NEO1: variants seen among roughly 807,000 people sequenced by gnomAD.
NEO1 encodes the protein neogenin.
NEO1 carries 63 observed loss-of-function variants against 159.7 expected under a neutral mutation model. The ratio of observed to expected loss-of-function variants is 0.39; its 90% CI spans 0.32 to 0.49. NEO1 has a LOEUF of 0.49. Ranked by LOEUF, NEO1 falls within the 20% of genes least tolerant of loss-of-function variation. The pLI is 0.85. For synonymous variants in NEO1, 633 were observed against 662.0 expected (o/e 0.96, Z 0.67); for missense variants, 1,615 against 1,831.0 (o/e 0.88, Z 2.15).
intron 7 of NEO1, among the ~76,000 whole-genome samples, chr15:73,214,088 C>G (rs973498227): frequency 6.6e-6 from 1 of 152,072 alleles, no homozygotes; most frequent in Non-Finnish European, 1.5e-5. Context: ...CTGTTCATAT[C>G]CTTAGCCCAC....
chr15:73,099,469 G>A (rs1359433397), intron 1 of NEO1, among the ~76,000 whole-genome samples: 1 of 152,182 alleles, frequency 6.6e-6, no homozygotes, highest in African/African-American at 2.4e-5. Flanking sequence ...TGCATTGAAA[G>A]CTTGTGTATG....
intron 1 of NEO1, among the ~76,000 whole-genome samples, chr15:73,058,280 C>G (rs2067814425): frequency 6.6e-6 from 1 of 152,162 alleles, no homozygotes; most frequent in African/African-American, 2.4e-5. Flanking sequence ...TTATACAGTC[C>G]TGTGAGGAAG....
At chr15:73,189,283 T>C (rs746265866) in intron 7 of NEO1, among the ~76,000 whole-genome samples, 5 of 152,204 alleles carry the variant, frequency 3.3e-5, no homozygotes, top group Non-Finnish European at 7.4e-5. Flanking sequence ...ATTCAAGTAC[T>C]GTAGTCACCT....
chr15:73,201,885 A>G (rs183478457), intron 7 of NEO1, among the ~76,000 whole-genome samples: 12 of 151,690 alleles, frequency 7.9e-5, no homozygotes, highest in Non-Finnish European at 4.4e-5. Flanking sequence ...GCTAATTAAT[A>G]TATCAATATA....
At chr15:73,142,119 G>T (rs1303909284) in intron 5 of NEO1, among the ~76,000 whole-genome samples, 6 of 152,044 alleles carry the variant, frequency 3.9e-5, no homozygotes, top group African/African-American at 1.4e-4. Flanking sequence ...CCAGCATAAA[G>T]CACTTTTATT....
At chr15:73,254,225 T>C (rs2040225873) in intron 12 of NEO1, among the ~76,000 whole-genome samples, 1 of 152,172 alleles carries the variant, frequency 6.6e-6, no homozygotes, top group Non-Finnish European at 1.5e-5. Flanking sequence ...GCTCCTTTTT[T>C]TTTTTAAGAG....
intron 1 of NEO1, among the ~76,000 whole-genome samples, chr15:73,098,203 G>A (rs35843347): frequency 0.02 from 3,043 of 152,160 alleles, 50 homozygotes; most frequent in South Asian, 0.043. Flanking sequence ...ATCCTACTAT[G>A]TATAGTTTGG....
At chr15:73,168,801 C>T (rs1012149781) in intron 5 of NEO1, among the ~76,000 whole-genome samples, 1 of 151,890 alleles carries the variant, frequency 6.6e-6, no homozygotes, top group Admixed American at 6.6e-5. Context: ...ACCAATAGTA[C>T]ACTTGTGATT....
intron 13 of NEO1, among the ~76,000 whole-genome samples, chr15:73,256,485 G>T (rs1015239475): frequency 1.3e-5 from 2 of 152,196 alleles, no homozygotes; most frequent in Admixed American, 6.5e-5. Context: ...GGACAACAGA[G>T]TAAGACTCTG....
intron 7 of NEO1, among the ~76,000 whole-genome samples, chr15:73,231,520 C>T (rs551259541): frequency 2.0e-4 from 31 of 152,164 alleles, no homozygotes; most frequent in African/African-American, 7.5e-4. Flanking sequence ...ATTGCATGAG[C>T]TCAGGAGTTC....
intron 26 of NEO1, among the ~76,000 whole-genome samples, chr15:73,295,484 C>T (rs1293900631): frequency 6.6e-6 from 1 of 151,398 alleles, no homozygotes; most frequent in East Asian, 1.9e-4. Flanking sequence ...AGAAGCATGG[C>T]AGCTCCTACC....
chr15:73,088,164 A>G (rs994379942), intron 1 of NEO1, among the ~76,000 whole-genome samples: 2 of 151,972 alleles, frequency 1.3e-5, no homozygotes, highest in Non-Finnish European at 2.9e-5. Flanking sequence ...GACTATGCAT[A>G]TTCATATTTT....
intron 7 of NEO1, among the ~76,000 whole-genome samples, chr15:73,219,173 G>A (rs201022254): frequency 0.021 from 3,263 of 151,930 alleles, 160 homozygotes; most frequent in East Asian, 0.2. Context: ...CCTTCATTTC[G>A]TTATGTACCC....
intron 2 of NEO1, among the ~76,000 whole-genome samples, chr15:73,120,672 A>G (rs1290364381): frequency 6.7e-6 from 1 of 148,300 alleles, no homozygotes; most frequent in Non-Finnish European, 1.5e-5. Flanking sequence ...TGTTATTCTC[A>G]TTTTACTTGT....
Position 73,165,544 on chromosome 15 carries a change from T to C in NEO1, c.1016-10859T>C, listed in dbSNP as rs763111009. On this transcript the variant is annotated intron_variant, in intron 5 of 28. Transcript: ENST00000261908. ...TCAACAAGCATGGTAAAAAATCAAA[T>C]GGTACAAAAACATATGTGGTACTGT... Among the ~76,000 whole-genome samples the C allele has an allele frequency of 5.3e-5, 8 of 152,142 alleles. 1 individual carries two copies. In the East Asian group the frequency reaches 1.5e-3, roughly 29 times the overall value.
intron 21 of NEO1, among the ~76,000 whole-genome samples, chr15:73,276,427 C>T (rs1214276021): frequency 7.9e-5 from 12 of 152,210 alleles, no homozygotes; most frequent in Non-Finnish European, 1.8e-4. Flanking sequence ...AAGCCATCTC[C>T]ACCAGCTAGA....
At chr15:73,086,349 G>C (rs563064106) in intron 1 of NEO1, among the ~76,000 whole-genome samples, 1 of 152,222 alleles carries the variant, frequency 6.6e-6, no homozygotes, top group East Asian at 1.9e-4. Flanking sequence ...AAGTTTTCAA[G>C]TTGGGTAGTT....
chr15:73,222,596 T>C (rs914152924), intron 7 of NEO1, among the ~76,000 whole-genome samples: 1 of 152,182 alleles, frequency 6.6e-6, no homozygotes, highest in African/African-American at 2.4e-5. Context: ...GTGTCAGTTT[T>C]AATTATTCCT....
intron 8 of NEO1, 95 bp downstream of exon 8, chr15:73,236,601 A>C: frequency 9.5e-7 from 1 of 1,052,742 alleles, no homozygotes; most frequent in East Asian, 2.4e-5. Flanking sequence ...ACCAATTTTT[A>C]GTCCAGAAAA....
Sources: allele counts gnomAD v4.1 joint callset (sites outside exome capture counted in the v4.1 genomes callset), GRCh38; gene constraint gnomAD v4.1.1; transcripts MANE v1.5; gene names NCBI Gene and HGNC (gene_info 2026-07-23, HGNC 2026-07-21).